The following XK variants were observed in gnomAD, a reference collection of about 807,000 sequenced individuals.
XK encodes X-linked Kx blood group antigen, Kell and VPS13A binding protein, also known as endoplasmic reticulum membrane adapter protein XK.
In XK, 2 loss-of-function variants were observed where a neutral mutation model predicts 14.0. The ratio of observed to expected loss-of-function variants is 0.14; its 90% CI spans 0.06 to 0.45. XK has a LOEUF of 0.45. Ranked by LOEUF, XK falls within the 20% of genes least tolerant of loss-of-function variation. The probability of loss-of-function intolerance (pLI) is 0.98; values close to 1 mark genes in which losing one functional copy is unlikely to be tolerated. For synonymous variants in XK, 149 were observed against 147.5 expected (o/e 1.01, Z -0.08); for missense variants, 235 against 341.5 (o/e 0.69, Z 2.46).
chrX:37,694,230 G>A lies in XK; in HGVS notation c.246-56G>A, dbSNP rs5963937. 1,297 of 1,198,868 alleles carry A rather than the reference G, an allele frequency of 1.1e-3. 12 individuals are homozygous for A. The African/African-American group carries it at 0.02, about 19-fold the overall frequency. ...GGCTAAAGGTAAGTAGGATGAGCAT[G>A]GAAAGTCAGAATCCTGTCTGTCTCT... On this transcript the variant is annotated intron_variant, in intron 1 of 2. Transcript: ENST00000378616.
At chrX:37,694,583 G>T in intron 2 of XK, 35 bp downstream of exon 2, 1 of 1,176,128 alleles carries the variant, frequency 8.5e-7, no homozygotes. Flanking sequence ...TGCATTTGGG[G>T]ATCAAAATGA....
In XK at chrX:37,728,060, C is replaced by T; in HGVS notation, c.933C>T (p.Ser311=). The change falls in exon 3 of 3, where the codon TCC becomes TCT. Residue 311 remains serine (S), a synonymous_variant. Coordinates refer to ENST00000378616, the MANE Select transcript of XK (RefSeq NM_021083.4). Reference sequence around the variant, plus strand: ...ACAGCCCTGACCTCATCAGCAAGTCCCATAATTGGTACCAGCTACTGGTGT... The same window carrying T: ...ACAGCCCTGACCTCATCAGCAAGTCTCATAATTGGTACCAGCTACTGGTGT... ...KIDSPDLISK[S]HNWYQLLVYY... 2 of 1,211,322 alleles carry T rather than the reference C, an allele frequency of 1.7e-6. No individual in the cohort carries two copies. Among genetic ancestry groups the T allele is most frequent in the Non-Finnish European group, 2.2e-6 (2 of 895,378 alleles).
chrX:37,720,891 C>G (rs1434312829), intron 2 of XK, among the ~76,000 whole-genome samples: 2 of 111,481 alleles, frequency 1.8e-5, no homozygotes, highest in Non-Finnish European at 3.8e-5. Flanking sequence ...TTATATATCG[C>G]ATTTTCTTTA....
At chrX:37,720,156 A>G (rs1569475118) in intron 2 of XK, among the ~76,000 whole-genome samples, 3 of 111,372 alleles carry the variant, frequency 2.7e-5, no homozygotes, top group Admixed American at 1.9e-4. Context: ...AGAGATTTCT[A>G]TAAGTTGTAT....
rs1449225695 is a variant in XK, at chrX:37,731,988, G to A, written c.*3526G>A. ...ACCACCTTAAAACATTAGTGCTATG[G>A]TTATGAGTGTATGTGCCAGTACTTA... is the stretch of plus-strand genomic sequence containing the variant. On this transcript the variant is annotated 3_prime_UTR_variant, in exon 3 of 3. Transcript: ENST00000378616. The A allele has an allele frequency of 1.8e-5, 2 of 111,530 alleles. No individual in the cohort carries two copies. The highest frequency in any genetic ancestry group is 5.6e-4 in the East Asian group (2 of 3,573). The allele number at this position is 111,530 out of a possible 1,213,427, so 9.2% of individuals were successfully genotyped here. A position where few individuals can be genotyped will look rare whatever the true frequency, so the allele number is the denominator to read the frequency against.
At chrX:37,725,484 T>A (rs2146833192) in intron 2 of XK, among the ~76,000 whole-genome samples, 1 of 111,786 alleles carries the variant, frequency 8.9e-6, no homozygotes, top group African/African-American at 3.2e-5. Context: ...CTCTCATTCA[T>A]AGCTGTTGAG....
chrX:37,721,339 C>T (rs1355855636), intron 2 of XK, among the ~76,000 whole-genome samples: 1 of 111,069 alleles, frequency 9.0e-6, no homozygotes, highest in African/African-American at 3.3e-5. Context: ...AATTCTGACA[C>T]ACTTTTTGGG....
At chrX:37,704,303 G>A (rs1252619812) in intron 2 of XK, among the ~76,000 whole-genome samples, 1 of 111,862 alleles carries the variant, frequency 8.9e-6, no homozygotes, top group African/African-American at 3.3e-5. Context: ...GAAGGTTGAG[G>A]CAAGAGGAAC....
In XK at chrX:37,685,888, A is replaced by G. The variant is rs1927050638; in HGVS notation, c.-74A>G. The G allele has an allele frequency of 8.9e-7, 1 of 1,126,522 alleles. No individual in the cohort carries two copies. Among genetic ancestry groups the G allele is most frequent in the South Asian group, 2.0e-5 (1 of 51,180 alleles). 92.8% of individuals were successfully genotyped at this position (1,126,522 alleles called of 1,213,427 possible). ...GGGCATGCTGGGAGCCCCTCGGGCA[A>G]CGGCCGCCGCCGCCACAGCCACACA... On this transcript the variant is annotated 5_prime_UTR_variant, in exon 1 of 3. Coordinates refer to ENST00000378616, the MANE Select transcript of XK (RefSeq NM_021083.4).
chrX:37,686,162 G>C lies in XK; in HGVS notation c.201G>C (p.Pro67=). ...ACCGCGACCTCAGCCGCGACCGCCC[G>C]CTCGTACTGCTGCTGCACCTGCTGC... ...FVHRDLSRDR[P]LVLLLHLLQL... is the part of the protein sequence containing the mutation. The change falls in exon 1 of 3, where the codon CCG becomes CCC. Residue 67 remains proline (P), a synonymous_variant. Transcript: ENST00000378616. The C allele has an allele frequency of 2.6e-5, 32 of 1,208,565 alleles. No individual in the cohort carries two copies. The highest frequency in any genetic ancestry group is 3.6e-5 in the Non-Finnish European group (32 of 894,322).
chrX:37,687,366 C>T lies in XK; in HGVS notation c.245+1160C>T, dbSNP rs141003128. On this transcript the variant is annotated intron_variant, in intron 1 of 2. Transcript: ENST00000378616. ...CATTGCATCCTCCACCTCCTGGGCA[C>T]AAGTGATACTCCTGCCTCAGTCTCC... Among the ~76,000 whole-genome samples, 882 of 110,469 alleles carry T rather than the reference C, an allele frequency of 8.0e-3. 1 individual carries two copies. The highest frequency in any genetic ancestry group is 0.027 in the African/African-American group (834 of 30,353).
chrX:37,705,175 G>T (rs782449219), intron 2 of XK, among the ~76,000 whole-genome samples: 2 of 111,226 alleles, frequency 1.8e-5, no homozygotes, highest in South Asian at 7.6e-4. Context: ...GCCAGGCGTG[G>T]TAGCTCACGC....
chrX:37,690,738 C>T (rs990229921), intron 1 of XK, among the ~76,000 whole-genome samples: 1 of 111,480 alleles, frequency 9.0e-6, no homozygotes, highest in African/African-American at 3.3e-5. Context: ...GAGACCATGG[C>T]GTGTGAATCA....
rs375475819 is a variant in XK at position 37,705,174 on chromosome X, G to A, written c.508+10626G>A. On this transcript the variant is annotated intron_variant, in intron 2 of 2. Coordinates refer to ENST00000378616, the MANE Select transcript of XK (RefSeq NM_021083.4). ...AAAACTTAAAAGAGAAGCCAGGCGTGGTAGCTCACGCCTGTAATCCCAGCA... is the reference window on the plus strand; with the variant it reads ...AAAACTTAAAAGAGAAGCCAGGCGTAGTAGCTCACGCCTGTAATCCCAGCA... Among the ~76,000 whole-genome samples, 9 of 111,212 alleles carry A rather than the reference G, an allele frequency of 8.1e-5. No individual in the cohort carries two copies. The East Asian group carries it at 1.4e-3, about 17-fold the overall frequency.
At chrX:37,726,283 A>C (rs1157643278) in intron 2 of XK, among the ~76,000 whole-genome samples, 2 of 111,797 alleles carry the variant, frequency 1.8e-5, no homozygotes, top group Admixed American at 1.9e-4. Flanking sequence ...ACCTAAAACT[A>C]CTCTAAAAAA....
chrX:37,715,308 G>A (rs1556447600), intron 2 of XK, among the ~76,000 whole-genome samples: 3 of 111,348 alleles, frequency 2.7e-5, no homozygotes, highest in Admixed American at 1.9e-4. Context: ...TCTTGTGCAT[G>A]ATTTATAACT....
At chrX:37,687,194 T>TAC (rs36002435) in intron 1 of XK, among the ~76,000 whole-genome samples, 10,523 of 86,876 alleles carry the variant, frequency 0.12, 861 homozygotes, top group African/African-American at 0.27. Context: ...CTCTCTCTCT[T>TAC]ACACACACAC....
At chrX:37,704,158 G>C (rs1927466421) in intron 2 of XK, among the ~76,000 whole-genome samples, 1 of 111,718 alleles carries the variant, frequency 9.0e-6, no homozygotes, top group Non-Finnish European at 1.9e-5. Flanking sequence ...GGTGCTCTAA[G>C]ACAATCCTTC....
At chrX:37,695,025 G>C (rs191436398) in intron 2 of XK, among the ~76,000 whole-genome samples, 1 of 112,282 alleles carries the variant, frequency 8.9e-6, no homozygotes, top group East Asian at 2.8e-4. Flanking sequence ...CTTGGGAGTT[G>C]TGGGACATCA....
Sources: gnomAD v4.1 joint callset for allele counts (sites outside exome capture counted in the v4.1 genomes callset) on GRCh38, gnomAD v4.1.1 for gene constraint, MANE v1.5 for transcripts, NCBI Gene and HGNC (gene_info 2026-07-23, HGNC 2026-07-21) for gene names.